ITK: variants seen among roughly 807,000 people sequenced by gnomAD.
The protein encoded by ITK is IL2 inducible T cell kinase.
Under a neutral mutation model 87.6 loss-of-function variants are expected in ITK, and 45 were observed. That is an observed-to-expected ratio of 0.51 (90% confidence interval 0.40 to 0.66). The LOEUF is 0.66. ITK is among the 30% of genes least tolerant of loss of function. The probability of loss-of-function intolerance (pLI) is 0.00; values close to 1 mark genes in which losing one functional copy is unlikely to be tolerated. For synonymous variants in ITK, 303 were observed against 273.6 expected, an observed-to-expected ratio of 1.11 and a Z score of -1.06; for missense variants, 605 against 766.3, an observed-to-expected ratio of 0.79 and a Z score of 2.48.
At chr5:157,239,204 CA>C (rs1245652328) in intron 9 of ITK, among the ~76,000 whole-genome samples, 2 of 152,136 alleles carry the variant, frequency 1.3e-5, no homozygotes, top group Non-Finnish European at 2.9e-5. Context: ...CCTTCCAGGA[CA>C]AAGACTTATT....
At chr5:157,200,988 CA>C (rs1753958789) in intron 1 of ITK, among the ~76,000 whole-genome samples, 1 of 152,058 alleles carries the variant, frequency 6.6e-6, no homozygotes, top group Non-Finnish European at 1.5e-5. Context: ...GTGTGGATAA[CA>C]ATTTTTTTAA....
intron 16 of ITK, among the ~76,000 whole-genome samples, chr5:157,249,345 G>A (rs1755094324): frequency 6.6e-6 from 1 of 152,240 alleles, no homozygotes; most frequent in African/African-American, 2.4e-5. Context: ...AAAAGCACAG[G>A]AAGTTAGTTC....
chr5:157,227,556 A>G (rs1754557371), intron 6 of ITK, among the ~76,000 whole-genome samples: 1 of 152,144 alleles, frequency 6.6e-6, no homozygotes, highest in Admixed American at 6.6e-5. Context: ...GTCATCTTTT[A>G]TATTTTAATT....
In ITK at chr5:157,248,843, C is replaced by G; in HGVS notation, c.1634-7C>G. On this transcript the variant is annotated splice_region_variant and splice_polypyrimidine_tract_variant and intron_variant, in intron 15 of 16. Transcript: ENST00000422843. Reference sequence around the variant, plus strand: ...ATTCACTGTGCTGTGCTCACCATTTCTTGTAGGTGTGCTGATGTGGGAAGT... The same window carrying G: ...ATTCACTGTGCTGTGCTCACCATTTGTTGTAGGTGTGCTGATGTGGGAAGT... 6.2e-7 allele frequency: 1 copy of G among 1,613,906 alleles called. No individual in the cohort carries two copies. Among genetic ancestry groups the G allele is most frequent in the Admixed American group, 1.7e-5 (1 of 60,018 alleles).
intron 6 of ITK, among the ~76,000 whole-genome samples, chr5:157,225,921 G>A (rs1204534282): frequency 6.6e-6 from 1 of 152,168 alleles, no homozygotes; most frequent in African/African-American, 2.4e-5. Context: ...CCAAATGAGA[G>A]TTAAACCCTT....
In ITK at chr5:157,253,056, A is replaced by G. The variant is rs970587140; in HGVS notation, c.*378A>G. The G allele has an allele frequency of 2.7e-6, 1 of 376,602 alleles. No individual in the cohort carries two copies. The highest frequency in any genetic ancestry group is 5.0e-6 in the Non-Finnish European group (1 of 198,636). 23.3% of individuals were successfully genotyped at this position (376,602 alleles called of 1,614,324 possible). ...TATTTTTATTGTTATTTTTAACATG[A>G]ATCTAAAGTTTATGGTTCCAGGGAC... is the stretch of plus-strand genomic sequence containing the variant. On this transcript the variant is annotated 3_prime_UTR_variant, in exon 17 of 17. Transcript: ENST00000422843.
At chr5:157,235,592 G>A (rs1437418773) in intron 8 of ITK, among the ~76,000 whole-genome samples, 2 of 152,126 alleles carry the variant, frequency 1.3e-5, no homozygotes, top group Non-Finnish European at 2.9e-5. Context: ...CACACATAGG[G>A]TGACCTGAAG....
chr5:157,239,640 AG>A (rs1163727204), intron 9 of ITK, among the ~76,000 whole-genome samples: 7 of 152,152 alleles, frequency 4.6e-5, no homozygotes, highest in Non-Finnish European at 8.8e-5. Flanking sequence ...CTTTCTAAGG[AG>A]GGTAGTCAGG....
chr5:157,242,484 C>CT (rs961129981), intron 11 of ITK, among the ~76,000 whole-genome samples: 1 of 151,996 alleles, frequency 6.6e-6, no homozygotes, highest in Non-Finnish European at 1.5e-5. Flanking sequence ...CTGGAGTCTA[C>CT]TTTTTTTTCT....
rs1257064396 is a variant in ITK, at chr5:157,252,974, G to A, written c.*296G>A. On this transcript the variant is annotated 3_prime_UTR_variant, in exon 17 of 17. Transcript: ENST00000422843. ...ACAAACCTCAACCTGACAGCTTTCAGACAGCATTCTTGCACTTCTTAGCAA... is the reference window on the plus strand; with the variant it reads ...ACAAACCTCAACCTGACAGCTTTCAAACAGCATTCTTGCACTTCTTAGCAA... The A allele has an allele frequency of 2.1e-6, 1 of 482,438 alleles. No individual in the cohort carries two copies. The highest frequency in any genetic ancestry group is 3.8e-6 in the Non-Finnish European group (1 of 260,918). The allele number at this position is 482,438 out of a possible 1,614,324, so 29.9% of individuals were successfully genotyped here. A position where few individuals can be genotyped will look rare whatever the true frequency, so the allele number is the denominator to read the frequency against.
intron 1 of ITK, among the ~76,000 whole-genome samples, chr5:157,190,498 A>T (rs1246123448): frequency 6.6e-6 from 1 of 152,214 alleles, no homozygotes; most frequent in African/African-American, 2.4e-5. Flanking sequence ...TTGGTGCACA[A>T]GTAACTGAGG....
intron 1 of ITK, among the ~76,000 whole-genome samples, chr5:157,193,865 A>G (rs1230039941): frequency 6.6e-6 from 1 of 151,352 alleles, no homozygotes; most frequent in East Asian, 1.9e-4. Context: ...AAACATCATC[A>G]ACAGCAACAA....
chr5:157,222,457 G>C (rs1189871023), intron 5 of ITK, among the ~76,000 whole-genome samples: 1 of 152,164 alleles, frequency 6.6e-6, no homozygotes, highest in Non-Finnish European at 1.5e-5. Flanking sequence ...AGGAATTCCA[G>C]CTCCAATAAC....
intron 7 of ITK, among the ~76,000 whole-genome samples, chr5:157,228,873 C>A (rs1754589849): frequency 6.6e-6 from 1 of 152,118 alleles, no homozygotes; most frequent in African/African-American, 2.4e-5. Context: ...AGTGATCCTC[C>A]CATTATGGCC....
At position 157,210,336 on chromosome 5, in the gene ITK, T is replaced by G. The variant is rs40563; in HGVS notation, c.244-951T>G. Among the ~76,000 whole-genome samples the G allele has an allele frequency of 2.0e-5, 3 of 151,886 alleles. 1 individual carries two copies. The highest frequency in any genetic ancestry group is 7.3e-5 in the African/African-American group (3 of 41,344). On this transcript the variant is annotated intron_variant, in intron 2 of 16. Transcript: ENST00000422843. ...CTGAGGGATGAACATATTTTTAACA[T>G]GGCATAGAAAAGAACTTTTTTTCTA...
chr5:157,207,591 G>A (rs1289642274), intron 1 of ITK, among the ~76,000 whole-genome samples: 1 of 151,836 alleles, frequency 6.6e-6, no homozygotes, highest in Admixed American at 6.6e-5. Context: ...ATGTTGGGCA[G>A]GCTGTCTCGA....
chr5:157,208,881 C>A lies in ITK; in HGVS notation c.139-8C>A, dbSNP rs1754130538. 3 of 1,582,282 alleles carry A rather than the reference C, an allele frequency of 1.9e-6. No homozygotes were observed. The highest frequency in any genetic ancestry group is 2.2e-5 in the South Asian group (2 of 90,408). The stretch of plus-strand genomic sequence containing the variant: ...TTACATGAATGGGATGTTCTTCTCT[C>A]CCCACAGAAGAAGCGCACGCTGAAG... On this transcript the variant is annotated splice_region_variant and splice_polypyrimidine_tract_variant and intron_variant, in intron 1 of 16. Transcript: ENST00000422843.
chr5:157,223,811 T>A (rs1374354961), intron 6 of ITK, among the ~76,000 whole-genome samples: 1 of 152,204 alleles, frequency 6.6e-6, no homozygotes, highest in Non-Finnish European at 1.5e-5. Flanking sequence ...TGTATATTAA[T>A]ATTAGGGGTT....
rs1309721571 is a variant in ITK, at chr5:157,213,698, G to A, written c.326-493G>A. On this transcript the variant is annotated intron_variant, in intron 3 of 16. Transcript: ENST00000422843. ...CACCCAACTCTGTTCTGTGCCTTAT[G>A]TATGTATTTGTTTCAGTAGCAGACC... 3 of 360,568 alleles carry A rather than the reference G, an allele frequency of 8.3e-6. No homozygotes were observed. The East Asian group carries it at 2.3e-4, about 27-fold the overall frequency. 22.3% of individuals were successfully genotyped at this position (360,568 alleles called of 1,614,324 possible). A position where few individuals can be genotyped will look rare whatever the true frequency, so the allele number is the denominator to read the frequency against.
Sources: gnomAD v4.1 joint callset for allele counts (sites outside exome capture counted in the v4.1 genomes callset) on GRCh38, gnomAD v4.1.1 for gene constraint, MANE v1.5 for transcripts, NCBI Gene and HGNC (gene_info 2026-07-23, HGNC 2026-07-21) for gene names.